Variants in RPL31 observed in about 807,000 individuals in gnomAD.
RPL31 encodes large ribosomal subunit protein eL31.
For synonymous variants in RPL31, 51 were observed against 55.0 expected, an observed-to-expected ratio of 0.93 and a Z score of 0.32; for missense variants, 95 against 164.0, an observed-to-expected ratio of 0.58 and a Z score of 2.30.
downstream of RPL31, chr2:101,008,038 T>C: frequency 6.2e-7 from 1 of 1,613,712 alleles, no homozygotes; most frequent in Non-Finnish European, 8.5e-7. Flanking sequence ...TGCCTGGGAG[T>C]CCTGGGGCGT....
downstream of RPL31, chr2:101,007,836 C>CTTAAG (rs760881948): frequency 2.2e-5 from 36 of 1,613,516 alleles, no homozygotes; most frequent in Non-Finnish European, 3.1e-5. Context: ...AGTTACTCAG[C>CTTAAG]TTAAGTTCAG....
At chr2:101,008,363 G>A (rs1037438511), downstream of RPL31, 13 of 1,035,642 alleles carry the variant, frequency 1.3e-5, no homozygotes, top group East Asian at 5.3e-5. Flanking sequence ...TTGAGAAAAC[G>A]ACACAGTATT....
rs571273825 is a variant in RPL31 at position 101,018,236 on chromosome 2, ACCT to A, written c.347-758_347-756del. ...AAACATCACTAATGAAACATTTGTG[ACCT>A]CCTTTTTTCCGAAGTTTAATTTTTG... On this transcript the variant is annotated intron_variant, in intron 4 of 4. Coordinates refer to the RPL31 transcript ENST00000409028. The A allele has an allele frequency of 1.1e-3, 278 of 243,876 alleles. 2 individuals carry two copies. The highest frequency in any genetic ancestry group is 6.8e-3 in the South Asian group (53 of 7,834). The allele number at this position is 243,876 out of a possible 1,614,324, so 15.1% of individuals were successfully genotyped here. A position where few individuals can be genotyped will look rare whatever the true frequency, so the allele number is the denominator to read the frequency against.
At chr2:101,011,510 G>GAC (rs1558616374), downstream of RPL31, 1 of 1,613,922 alleles carries the variant, frequency 6.2e-7, no homozygotes, top group South Asian at 1.1e-5. Context: ...CCTCAACGGC[G>GAC]ACTGGCTGTC....
intron 3 of RPL31, chr2:101,005,065 C>A (rs1678668983): frequency 6.6e-6 from 1 of 152,286 alleles, no homozygotes; most frequent in Admixed American, 6.5e-5. Context: ...CCTAGCTCTT[C>A]TGTGGGTGGA....
chr2:101,010,529 C>T (rs564944945), downstream of RPL31, among the ~76,000 whole-genome samples: 3 of 151,942 alleles, frequency 2.0e-5, no homozygotes, highest in Non-Finnish European at 2.9e-5. Flanking sequence ...TGATGTTCCG[C>T]TACCTGGACT....
chr2:101,013,836 T>C lies in RPL31; in HGVS notation c.347-5162T>C, dbSNP rs116475875. The stretch of plus-strand genomic sequence containing the variant: ...AGATGCAGTTGAGACATTACAGTAA[T>C]CATCAAAATAATCCCATCTCCACCA... On this transcript the variant is annotated intron_variant, in intron 4 of 4. Transcript: ENST00000409028. Among the ~76,000 whole-genome samples, 815 of 152,322 alleles carry C rather than the reference T, an allele frequency of 5.4e-3. 10 individuals are homozygous for C. Among genetic ancestry groups the C allele is most frequent in the African/African-American group, 0.018 (736 of 41,578 alleles).
intron 4 of RPL31, among the ~76,000 whole-genome samples, chr2:101,013,071 T>C (rs1388033050): frequency 6.6e-6 from 1 of 151,992 alleles, no homozygotes; most frequent in African/African-American, 2.4e-5. Flanking sequence ...ACCAACAAAA[T>C]GTGATGGGAG....
At chr2:101,019,455 A>C (rs1452558839) in exon 5 of RPL31, 4 of 154,346 alleles carry the variant, frequency 2.6e-5, no homozygotes, top group African/African-American at 7.2e-5. Context: ...GGCCTCAGGA[A>C]AATGATGTTT....
chr2:101,011,259 G>T, downstream of RPL31: 1 of 696,272 alleles, frequency 1.4e-6, no homozygotes, highest in Non-Finnish European at 2.4e-6. Context: ...GGTGGTGGGG[G>T]CAAGGGGCAG....
At chr2:101,012,155 C>G (rs1679264221), downstream of RPL31, among the ~76,000 whole-genome samples, 1 of 152,174 alleles carries the variant, frequency 6.6e-6, no homozygotes, top group African/African-American at 2.4e-5. Context: ...AACAGTCTGG[C>G]AGTTTTTAAA....
intron 4 of RPL31, among the ~76,000 whole-genome samples, chr2:101,015,361 T>C (rs1321880461): frequency 6.6e-6 from 1 of 152,354 alleles, no homozygotes; most frequent in Admixed American, 6.5e-5. Context: ...AGGACATTAC[T>C]GCACACTGCC....
At chr2:101,003,262 T>G (rs985892829) in intron 2 of RPL31, among the ~76,000 whole-genome samples, 13 of 152,228 alleles carry the variant, frequency 8.5e-5, no homozygotes, top group Non-Finnish European at 1.9e-4. Context: ...TTTCCACAAA[T>G]AAATGCTTCG....
chr2:101,005,905 C>A, intron 3 of RPL31, 54 bp from the exon 4 acceptor site: 1 of 1,461,724 alleles, frequency 6.8e-7, no homozygotes, highest in Non-Finnish European at 9.5e-7. Flanking sequence ...CAGCTAGTGG[C>A]TGCTTGGTTG....
At chr2:101,008,784 C>T (rs1473533251), downstream of RPL31, among the ~76,000 whole-genome samples, 1 of 151,430 alleles carries the variant, frequency 6.6e-6, no homozygotes, top group Non-Finnish European at 1.5e-5. Context: ...GCACTCCAGC[C>T]TGGGCAACAA....
At chr2:101,010,982 C>A, downstream of RPL31, 1 of 1,612,976 alleles carries the variant, frequency 6.2e-7, no homozygotes, top group South Asian at 1.1e-5. Flanking sequence ...TTGGCTAAAT[C>A]CTTAATCATC....
At chr2:101,009,384 C>A (rs542894631), downstream of RPL31, among the ~76,000 whole-genome samples, 22 of 141,478 alleles carry the variant, frequency 1.6e-4, no homozygotes, top group African/African-American at 5.4e-4. Context: ...CTAGCCTGGG[C>A]GACAGAGTGA....
chr2:101,009,197 T>C (rs1259353635), downstream of RPL31, among the ~76,000 whole-genome samples: 2 of 151,944 alleles, frequency 1.3e-5, no homozygotes, highest in Non-Finnish European at 2.9e-5. Flanking sequence ...ATTGAGACCA[T>C]CCTGGCTAAC....
chr2:101,011,130 T>C (rs1679178280), downstream of RPL31: 1 of 1,100,034 alleles, frequency 9.1e-7, no homozygotes, highest in African/African-American at 1.6e-5. Flanking sequence ...GGAATTCCAC[T>C]AAGCAAATTC....
Sources: gnomAD v4.1 joint callset for allele counts (sites outside exome capture counted in the v4.1 genomes callset) on GRCh38, gnomAD v4.1.1 for gene constraint, MANE v1.5 for transcripts, NCBI Gene and HGNC (gene_info 2026-07-23, HGNC 2026-07-21) for gene names.